The following RIMS2 variants were observed in gnomAD, a reference collection of about 807,000 sequenced individuals.
RIMS2 encodes the protein regulating synaptic membrane exocytosis 2.
In RIMS2, 59 loss-of-function variants were observed where a neutral mutation model predicts 174.4. The ratio of observed to expected loss-of-function variants is 0.34; its 90% CI spans 0.27 to 0.42. The LOEUF is 0.42. Ranked by LOEUF, RIMS2 falls within the 10% of genes least tolerant of loss-of-function variation. The pLI is 1.00. For missense variants in RIMS2, 1,620 were observed against 1,666.3 expected (o/e 0.97, Z 0.48); for synonymous variants, 606 against 572.5 (o/e 1.06, Z -0.84).
intron 16 of RIMS2, among the ~76,000 whole-genome samples, chr8:103,980,033 C>T (rs1420425902): frequency 2.0e-5 from 3 of 152,012 alleles, no homozygotes; most frequent in Non-Finnish European, 4.4e-5. Context: ...CTAGGCAACA[C>T]CTAGTGCCAG....
At chr8:103,962,056 T>A (rs1954900) in intron 15 of RIMS2, among the ~76,000 whole-genome samples, 98,609 of 151,298 alleles carry the variant, frequency 0.65, 32,893 homozygotes, top group Non-Finnish European at 0.7. Flanking sequence ...AGATCATTAA[T>A]TTTTTTTTCT....
chr8:103,510,122 T>G (rs944342882), intron 1 of RIMS2, among the ~76,000 whole-genome samples: 4 of 152,124 alleles, frequency 2.6e-5, no homozygotes, highest in Non-Finnish European at 5.9e-5. Context: ...GACAAATAGT[T>G]TGGTAGTTTC....
At chr8:103,611,548 T>TC (rs2095366834) in intron 1 of RIMS2, among the ~76,000 whole-genome samples, 1 of 150,990 alleles carries the variant, frequency 6.6e-6, no homozygotes, top group African/African-American at 2.4e-5. Context: ...TTTTTTTTTG[T>TC]CAGATGTAGT....
In RIMS2 at chr8:104,245,073, T is replaced by G; in HGVS notation, c.3476+16T>G. The G allele has an allele frequency of 6.2e-7, 1 of 1,612,690 alleles. No homozygotes were observed. Among genetic ancestry groups the G allele is most frequent in the Non-Finnish European group, 8.5e-7 (1 of 1,179,082 alleles). ...CAGAAGGAAAGTGAGTGAGGCTGCA[T>G]GTGATGTGTGTCTCCTCCGTGCCTC... On this transcript the variant is annotated intron_variant, in intron 20 of 23. Transcript: ENST00000504942.
chr8:103,505,406 C>T (rs1041757214), intron 1 of RIMS2, among the ~76,000 whole-genome samples: 1 of 152,110 alleles, frequency 6.6e-6, no homozygotes, highest in Non-Finnish European at 1.5e-5. Context: ...GACTGTATAG[C>T]TGCCTCGTTA....
At chr8:103,673,348 A>G (rs1346751124) in intron 1 of RIMS2, among the ~76,000 whole-genome samples, 4 of 152,130 alleles carry the variant, frequency 2.6e-5, no homozygotes, top group Non-Finnish European at 4.4e-5. Context: ...CTCCAACCCC[A>G]CATTTCTCCT....
chr8:104,234,416 G>A (rs545879970), intron 19 of RIMS2, among the ~76,000 whole-genome samples: 36 of 150,122 alleles, frequency 2.4e-4, no homozygotes, highest in Admixed American at 6.6e-5. Flanking sequence ...AGATCTGAAA[G>A]TTTAAAAAAA....
At chr8:104,232,602 C>T (rs1057153718) in intron 19 of RIMS2, among the ~76,000 whole-genome samples, 1 of 152,208 alleles carries the variant, frequency 6.6e-6, no homozygotes, top group Non-Finnish European at 1.5e-5. Flanking sequence ...TAAACTATCA[C>T]TGCTACTTGG....
intron 1 of RIMS2, among the ~76,000 whole-genome samples, chr8:103,608,283 TG>T (rs1166274417): frequency 7.0e-6 from 1 of 143,406 alleles, no homozygotes; most frequent in Admixed American, 6.8e-5. Context: ...CTGCCCCTGC[TG>T]GGGGGTGCCT....
At chr8:103,819,143 C>T (rs1013560449) in intron 3 of RIMS2, 30 of 942,070 alleles carry the variant, frequency 3.2e-5, no homozygotes, top group Admixed American at 1.7e-4. Flanking sequence ...AAACTCCTGA[C>T]GACAGCATCT....
rs1373248429 is a variant in RIMS2, at chr8:104,012,576, C to T, written c.3045-866C>T. Reference sequence around the variant, plus strand: ...TTGACATATGTTTTACTTTTGAATTCTGGAGCCAAAGCTAGTGTTTTTAAA... The same window carrying T: ...TTGACATATGTTTTACTTTTGAATTTTGGAGCCAAAGCTAGTGTTTTTAAA... On this transcript the variant is annotated intron_variant, in intron 17 of 23. Coordinates refer to ENST00000504942, the Ensembl canonical transcript of RIMS2. Among the ~76,000 whole-genome samples, 3 of 151,874 alleles carry T rather than the reference C, an allele frequency of 2.0e-5. No homozygotes were observed. In the East Asian group the frequency reaches 5.8e-4, roughly 29 times the overall value.
At chr8:104,224,526 TAGTA>T (rs1208816481) in intron 19 of RIMS2, among the ~76,000 whole-genome samples, 15 of 152,316 alleles carry the variant, frequency 9.8e-5, no homozygotes, top group African/African-American at 7.2e-5. Flanking sequence ...GACTGGTAAA[TAGTA>T]AGTAGTGTCC....
At chr8:103,645,034 T>C (rs1392072937) in intron 1 of RIMS2, among the ~76,000 whole-genome samples, 1 of 152,038 alleles carries the variant, frequency 6.6e-6, no homozygotes, top group Non-Finnish European at 1.5e-5. Flanking sequence ...TTTTAATTGT[T>C]CTTCATTTTA....
intron 19 of RIMS2, among the ~76,000 whole-genome samples, chr8:104,062,156 A>G (rs1468037526): frequency 1.3e-5 from 2 of 152,196 alleles, no homozygotes; most frequent in Non-Finnish European, 2.9e-5. Flanking sequence ...CTGTAATCTC[A>G]GCACTTTGGG....
chr8:103,943,623 A>T (rs1473269988), intron 14 of RIMS2, among the ~76,000 whole-genome samples: 1 of 152,206 alleles, frequency 6.6e-6, no homozygotes, highest in Non-Finnish European at 1.5e-5. Flanking sequence ...ACATCACTCC[A>T]TAGATGCTTA....
chr8:103,534,913 T>G (rs1156720072), intron 1 of RIMS2, among the ~76,000 whole-genome samples: 1 of 152,212 alleles, frequency 6.6e-6, no homozygotes, highest in Non-Finnish European at 1.5e-5. Context: ...TTGCCAACCC[T>G]TGATTTAGGC....
intron 1 of RIMS2, among the ~76,000 whole-genome samples, chr8:103,583,964 GA>G (rs2093760815): frequency 2.0e-5 from 3 of 152,112 alleles, no homozygotes; most frequent in Admixed American, 2.0e-4. Flanking sequence ...CCAAGTACAA[GA>G]AGGTTATAGA....
At chr8:103,713,570 T>G (rs1038328358) in intron 2 of RIMS2, among the ~76,000 whole-genome samples, 6 of 152,202 alleles carry the variant, frequency 3.9e-5, no homozygotes, top group African/African-American at 1.4e-4. Context: ...TCTCTCTATG[T>G]AAACTACGGA....
intron 19 of RIMS2, among the ~76,000 whole-genome samples, chr8:104,243,640 T>A (rs2099314559): frequency 6.6e-6 from 1 of 152,092 alleles, no homozygotes; most frequent in Non-Finnish European, 1.5e-5. Flanking sequence ...GAGCAGAGAT[T>A]GTGCCACTGC....
Sources: gnomAD v4.1 joint callset for allele counts (sites outside exome capture counted in the v4.1 genomes callset) on GRCh38, gnomAD v4.1.1 for gene constraint, MANE v1.5 for transcripts, NCBI Gene and HGNC (gene_info 2026-07-23, HGNC 2026-07-21) for gene names.